The following ERGIC1 variants were observed in gnomAD, a reference collection of about 807,000 sequenced individuals.
ERGIC1 encodes the protein endoplasmic reticulum-golgi intermediate compartment 1.
ERGIC1 carries 19 observed loss-of-function variants against 38.3 expected under a neutral mutation model. The ratio of observed to expected loss-of-function variants is 0.50; its 90% CI spans 0.35 to 0.73. The LOEUF is 0.73. Among genes scored for constraint, ERGIC1 ranks in the 30% least tolerant of loss-of-function variants. The pLI, the probability that ERGIC1 is intolerant of heterozygous loss-of-function variation, is 0.01. For synonymous variants in ERGIC1, 124 were observed against 157.6 expected, an observed-to-expected ratio of 0.79 and a Z score of 1.60; for missense variants, 294 against 389.2, an observed-to-expected ratio of 0.76 and a Z score of 2.06.
chr5:172,925,754 G>C (rs1763636412), intron 6 of ERGIC1, among the ~76,000 whole-genome samples: 1 of 152,196 alleles, frequency 6.6e-6, no homozygotes, highest in African/African-American at 2.4e-5. Flanking sequence ...CCTCCAGGAA[G>C]GCCTCCAGGG....
intron 4 of ERGIC1, among the ~76,000 whole-genome samples, chr5:172,914,265 A>T (rs982871951): frequency 3.6e-5 from 5 of 138,662 alleles, no homozygotes; most frequent in Non-Finnish European, 7.9e-5. Flanking sequence ...AAATACAAAG[A>T]CTATCTGAGA....
intron 3 of ERGIC1, chr5:172,906,246 T>C: frequency 2.2e-6 from 1 of 450,994 alleles, no homozygotes; most frequent in Non-Finnish European, 4.5e-6. Flanking sequence ...TTTTCTTCCT[T>C]GACCCTGATG....
intron 2 of ERGIC1, 76 bp downstream of exon 2, chr5:172,888,836 T>A: frequency 7.5e-7 from 1 of 1,335,826 alleles, no homozygotes; most frequent in Non-Finnish European, 1.1e-6. Context: ...GCAGATCATC[T>A]GGGCCAGGGA....
intron 1 of ERGIC1, among the ~76,000 whole-genome samples, chr5:172,861,324 G>T (rs1028040874): frequency 6.6e-6 from 1 of 152,154 alleles, no homozygotes. Context: ...CCCTCTGTCC[G>T]GCTCTGTCAG....
rs1761066360 is a variant in ERGIC1 at position 172,837,578 on chromosome 5, C to T, written c.20+3145C>T. Among the ~76,000 whole-genome samples the T allele has an allele frequency of 6.6e-6, 1 of 152,134 alleles. No homozygotes were observed. Among genetic ancestry groups the T allele is most frequent in the Non-Finnish European group, 1.5e-5 (1 of 68,032 alleles). ...CTTGGAGATGCCTCTTGAAATCTGT[C>T]AAGGAAGCCATAGACATGACGTGAC... On this transcript the variant is annotated intron_variant, in intron 1 of 9. Coordinates refer to ENST00000393784, the MANE Select transcript of ERGIC1 (RefSeq NM_001031711.3). The surrounding 1 kb of genome is among the most constrained non-coding windows in gnomAD (Gnocchi z 4.3).
intron 5 of ERGIC1, chr5:172,915,184 G>A (rs918973756): frequency 3.2e-6 from 2 of 620,926 alleles, no homozygotes; most frequent in East Asian, 5.5e-5. Flanking sequence ...CCCATCTTAG[G>A]CTGAGGGTGT....
intron 3 of ERGIC1, among the ~76,000 whole-genome samples, chr5:172,908,776 C>T (rs1053544149): frequency 2.0e-5 from 3 of 152,156 alleles, no homozygotes; most frequent in Non-Finnish European, 4.4e-5. Context: ...TTAAGCCATT[C>T]CCGTTGTGAT....
At chr5:172,920,263 G>C (rs966712024) in intron 5 of ERGIC1, 5 of 712,660 alleles carry the variant, frequency 7.0e-6, no homozygotes, top group Non-Finnish European at 1.3e-5. Context: ...GAAGCCACCA[G>C]GGTCCATGTG....
At chr5:172,935,361 T>C (rs1407971949) in intron 9 of ERGIC1, 51 bp downstream of exon 9, 1 of 1,610,226 alleles carries the variant, frequency 6.2e-7, no homozygotes, top group South Asian at 1.1e-5. Context: ...ACCCTGCGCC[T>C]GCTCTGGGCC....
chr5:172,837,409 C>T lies in ERGIC1; in HGVS notation c.20+2976C>T, dbSNP rs1761062602. On this transcript the variant is annotated intron_variant, in intron 1 of 9. Transcript: ENST00000393784. This position sits in a 1 kb window ranked among gnomAD's most constrained non-coding sequence, Gnocchi z 4.3. ...TATTTAAGCACCCATCATCTCCTAA[C>T]ACATTATATAATTCACTTAATTATC... Among the ~76,000 whole-genome samples the T allele has an allele frequency of 6.6e-6, 1 of 152,220 alleles. No individual in the cohort carries two copies. The highest frequency in any genetic ancestry group is 2.1e-4 in the South Asian group (1 of 4,830).
intron 8 of ERGIC1, chr5:172,934,546 C>T (rs938094746): frequency 6.4e-6 from 1 of 156,892 alleles, no homozygotes; most frequent in Admixed American, 6.1e-5. Context: ...ACCCATCACA[C>T]ACACACACAC....
chr5:172,891,534 G>C (rs1230051027), intron 2 of ERGIC1, among the ~76,000 whole-genome samples: 1 of 151,876 alleles, frequency 6.6e-6, no homozygotes, highest in African/African-American at 2.4e-5. Context: ...TGCCTCCCGG[G>C]TTCAAGCAAT....
chr5:172,851,200 CAAA>C (rs34437961), intron 1 of ERGIC1, among the ~76,000 whole-genome samples: 11,968 of 96,504 alleles, frequency 0.12, 805 homozygotes, highest in African/African-American at 0.24. Flanking sequence ...GACTCTGTCT[CAAA>C]AAAAAAAAAA....
chr5:172,935,072 G>A (rs1763857966), intron 8 of ERGIC1, 116 bp from the exon 9 acceptor site: 1 of 1,470,626 alleles, frequency 6.8e-7, no homozygotes, highest in Non-Finnish European at 9.4e-7. Context: ...TGGCTTCGTG[G>A]GGCAGAGAGG....
At chr5:172,854,605 G>A (rs769515916) in intron 1 of ERGIC1, among the ~76,000 whole-genome samples, 1 of 152,238 alleles carries the variant, frequency 6.6e-6, no homozygotes, top group Non-Finnish European at 1.5e-5. Flanking sequence ...GTGTGGGTGA[G>A]TGTGGGTGTG....
intron 1 of ERGIC1, among the ~76,000 whole-genome samples, chr5:172,864,609 A>G (rs113498480): frequency 1.3e-5 from 2 of 151,950 alleles, no homozygotes; most frequent in African/African-American, 2.4e-5. Flanking sequence ...GAAGAGGAAT[A>G]TAGGGGCTGT....
At chr5:172,896,174 C>T (rs144818768) in intron 2 of ERGIC1, among the ~76,000 whole-genome samples, 2 of 152,072 alleles carry the variant, frequency 1.3e-5, no homozygotes, top group African/African-American at 4.8e-5. Flanking sequence ...GAAACCCCGT[C>T]TCTACTAAAA....
chr5:172,908,096 C>T (rs1399027855), intron 3 of ERGIC1, among the ~76,000 whole-genome samples: 1 of 151,404 alleles, frequency 6.6e-6, no homozygotes, highest in Non-Finnish European at 1.5e-5. Context: ...ATGTCTAGGT[C>T]CCTGTCCCTG....
intron 1 of ERGIC1, chr5:172,867,587 G>A (rs757807408): frequency 6.6e-5 from 27 of 410,394 alleles, no homozygotes; most frequent in South Asian, 4.4e-4. Flanking sequence ...AGTCCTAGCC[G>A]CCCCCTGTCC....
Sources: allele counts gnomAD v4.1 joint callset (sites outside exome capture counted in the v4.1 genomes callset), GRCh38; gene constraint gnomAD v4.1.1; non-coding constraint Gnocchi (gnomAD v3.1); transcripts MANE v1.5; gene names NCBI Gene and HGNC (gene_info 2026-07-23, HGNC 2026-07-21).